The following RBFOX1 variants were observed in gnomAD, a reference collection of about 807,000 sequenced individuals.
The protein encoded by RBFOX1 is RNA binding fox-1 homolog 1.
RBFOX1 carries 8 observed loss-of-function variants against 57.7 expected under a neutral mutation model. That is an observed-to-expected ratio of 0.14 (90% CI 0.08 to 0.25). The LOEUF (loss-of-function observed/expected upper bound fraction) is 0.25. Among genes scored for constraint, RBFOX1 ranks in the 10% least tolerant of loss-of-function variants. RBFOX1 has a pLI of 1.00. For missense variants in RBFOX1, 611 were observed against 548.5 expected, an observed-to-expected ratio of 1.11 and a Z score of -1.14; for synonymous variants, 326 against 222.4, an observed-to-expected ratio of 1.47 and a Z score of -4.15.
At chr16:6,491,042 C>A (rs1475716144) in intron 2 of RBFOX1, among the ~76,000 whole-genome samples, 1 of 151,786 alleles carries the variant, frequency 6.6e-6, no homozygotes, top group Non-Finnish European at 1.5e-5. Context: ...CCAAGACTAC[C>A]CAGTAAAGTT....
chr16:7,057,815 C>G (rs1366694112), intron 4 of RBFOX1, among the ~76,000 whole-genome samples: 1 of 152,070 alleles, frequency 6.6e-6, no homozygotes, highest in East Asian at 1.9e-4. Flanking sequence ...GGAGACTAGC[C>G]TAGCCAACAT....
chr16:6,615,521 G>C (rs1020234682), intron 2 of RBFOX1, among the ~76,000 whole-genome samples: 10 of 150,878 alleles, frequency 6.6e-5, no homozygotes, highest in Admixed American at 6.6e-5. Flanking sequence ...AGTGAGCCAA[G>C]ATCGCACCAC....
At chr16:7,501,684 A>G (rs1162388367) in intron 4 of RBFOX1, among the ~76,000 whole-genome samples, 7 of 152,210 alleles carry the variant, frequency 4.6e-5, no homozygotes, top group Non-Finnish European at 1.0e-4. Context: ...TGGCCTTTCT[A>G]CATATTGTTT....
chr16:6,240,111 A>G (rs1308365302), intron 1 of RBFOX1, among the ~76,000 whole-genome samples: 1 of 152,106 alleles, frequency 6.6e-6, no homozygotes, highest in Non-Finnish European at 1.5e-5. Context: ...TTGCCATGTA[A>G]GATGCCATGT....
intron 3 of RBFOX1, among the ~76,000 whole-genome samples, chr16:6,671,637 C>G (rs2098765583): frequency 6.6e-6 from 1 of 152,084 alleles, no homozygotes; most frequent in South Asian, 2.1e-4. Flanking sequence ...CGCCTGAGTC[C>G]CCAAAGTCCG....
intron 4 of RBFOX1, among the ~76,000 whole-genome samples, chr16:7,173,333 A>G (rs778007034): frequency 5.9e-5 from 9 of 152,174 alleles, no homozygotes; most frequent in Non-Finnish European, 1.2e-4. Context: ...GCTCAGTGCC[A>G]CCATCCACAA....
At chr16:5,775,448 G>A (rs2054115984) in intron 3 of RBFOX1, among the ~76,000 whole-genome samples, 1 of 152,320 alleles carries the variant, frequency 6.6e-6, no homozygotes, top group East Asian at 1.9e-4. Flanking sequence ...CAGAAGGCAG[G>A]GGAAAGTAAC....
intron 3 of RBFOX1, among the ~76,000 whole-genome samples, chr16:6,951,077 T>C (rs184351976): frequency 4.8e-4 from 73 of 152,126 alleles, no homozygotes; most frequent in African/African-American, 1.7e-3. Flanking sequence ...AGCAATTTTA[T>C]CTTATTTTTT....
At chr16:5,407,496 G>A (rs581273) in intron 1 of RBFOX1, among the ~76,000 whole-genome samples, 20,022 of 152,118 alleles carry the variant, frequency 0.13, 1,517 homozygotes, top group Non-Finnish European at 0.17. Flanking sequence ...GGAGTGCCAG[G>A]ATAGTGAGAG....
intron 3 of RBFOX1, among the ~76,000 whole-genome samples, chr16:5,780,254 T>C (rs11640265): frequency 6.6e-6 from 1 of 152,096 alleles, no homozygotes; most frequent in Non-Finnish European, 1.5e-5. Context: ...CACCCATCTC[T>C]GCCTCCCAAA....
At chr16:7,608,355 A>G (rs374106389) in intron 10 of RBFOX1, among the ~76,000 whole-genome samples, 1 of 152,240 alleles carries the variant, frequency 6.6e-6, no homozygotes, top group Non-Finnish European at 1.5e-5. Context: ...ACAAAATTTA[A>G]GTTAAAAATC....
At chr16:5,296,603 T>A (rs1288630271) in intron 1 of RBFOX1, among the ~76,000 whole-genome samples, 1 of 151,916 alleles carries the variant, frequency 6.6e-6, no homozygotes, top group African/African-American at 2.4e-5. Context: ...TCTTGAACAT[T>A]TTCCTCCTTT....
chr16:5,615,771 T>A (rs1463249174), intron 3 of RBFOX1, among the ~76,000 whole-genome samples: 1 of 152,216 alleles, frequency 6.6e-6, no homozygotes, highest in African/African-American at 2.4e-5. Context: ...GGACCCCAGA[T>A]GATGAGTGCC....
intron 3 of RBFOX1, among the ~76,000 whole-genome samples, chr16:6,849,312 C>T (rs1489010661): frequency 6.6e-6 from 1 of 152,118 alleles, no homozygotes; most frequent in African/African-American, 2.4e-5. Context: ...AAATCGTGTT[C>T]ATTTTTAAGA....
intron 4 of RBFOX1, among the ~76,000 whole-genome samples, chr16:7,231,496 G>A (rs2093490188): frequency 6.6e-6 from 1 of 152,120 alleles, no homozygotes; most frequent in African/African-American, 2.4e-5. Context: ...GGGAAGTTAA[G>A]CATAGAATTA....
intron 4 of RBFOX1, among the ~76,000 whole-genome samples, chr16:7,261,585 C>T (rs1194409363): frequency 2.6e-5 from 4 of 152,200 alleles, no homozygotes. Flanking sequence ...GCTTTAAAGA[C>T]TTCCCTGTGC....
chr16:7,682,923 T>G (rs1249963035), intron 14 of RBFOX1, among the ~76,000 whole-genome samples: 1 of 144,898 alleles, frequency 6.9e-6, no homozygotes, highest in Non-Finnish European at 1.5e-5. Flanking sequence ...TTCGGGTAAC[T>G]AGAAACACAC....
chr16:5,947,627 C>A lies in RBFOX1; in HGVS notation c.351+80292C>A, dbSNP rs529966661. Among the ~76,000 whole-genome samples, 63 of 152,150 alleles carry A rather than the reference C, an allele frequency of 4.1e-4. No homozygotes were observed. The highest frequency in any genetic ancestry group is 7.6e-4 in the Non-Finnish European group (52 of 68,038). ...CATGATCCACCATGTCTTGACCCTT[C>A]GATTTTAGGTATTTTTATGGCATCC... On this transcript the variant is annotated intron_variant, in intron 4 of 19. Transcript: ENST00000641259. This position sits in a 1 kb window ranked among gnomAD's most constrained non-coding sequence, Gnocchi z 7.2.
At chr16:6,546,630 A>G (rs932046253) in intron 2 of RBFOX1, among the ~76,000 whole-genome samples, 1 of 152,132 alleles carries the variant, frequency 6.6e-6, no homozygotes, top group Non-Finnish European at 1.5e-5. Context: ...TCTCCTTCTT[A>G]TAAGGACACA....
Sources: allele counts gnomAD v4.1 joint callset (sites outside exome capture counted in the v4.1 genomes callset), GRCh38; gene constraint gnomAD v4.1.1; non-coding constraint Gnocchi (gnomAD v3.1); transcripts MANE v1.5; gene names NCBI Gene and HGNC (gene_info 2026-07-23, HGNC 2026-07-21).